Variants in GPD1L observed in about 807,000 individuals in gnomAD.
The protein encoded by GPD1L is glycerol-3-phosphate dehydrogenase 1-like protein.
A neutral mutation model predicts 32.9 loss-of-function variants in GPD1L; 17 were observed. The observed-to-expected ratio is 0.52, with a 90% CI of 0.35 to 0.78. The LOEUF (loss-of-function observed/expected upper bound fraction) is 0.78. Among genes scored for constraint, GPD1L ranks in the 30% least tolerant of loss-of-function variants. The pLI is 0.01. For missense variants in GPD1L, 361 were observed against 447.8 expected (o/e 0.81, Z 1.75); for synonymous variants, 187 against 165.9 (o/e 1.13, Z -0.98).
At chr3:32,130,980 A>C (rs926975024) in intron 2 of GPD1L, among the ~76,000 whole-genome samples, 7 of 151,726 alleles carry the variant, frequency 4.6e-5, no homozygotes, top group African/African-American at 1.5e-4. Context: ...GCCCCGCTGC[A>C]CTCCAGCCTG....
chr3:32,134,898 T>G (rs1274538753), intron 2 of GPD1L, among the ~76,000 whole-genome samples: 4 of 152,246 alleles, frequency 2.6e-5, no homozygotes, highest in Non-Finnish European at 5.9e-5. Flanking sequence ...TGTTAAGGTC[T>G]TTGTAGTTTC....
At chr3:32,139,981 G>A (rs1487579390) in intron 3 of GPD1L, among the ~76,000 whole-genome samples, 1 of 152,240 alleles carries the variant, frequency 6.6e-6, no homozygotes, top group Non-Finnish European at 1.5e-5. Flanking sequence ...GAAGGAGGAT[G>A]AACTTGAGAG....
intron 5 of GPD1L, among the ~76,000 whole-genome samples, chr3:32,155,632 T>C (rs1700977660): frequency 6.6e-6 from 1 of 152,168 alleles, no homozygotes; most frequent in South Asian, 2.1e-4. Context: ...ATAAAACCAC[T>C]TGGCCAGCTC....
chr3:32,150,144 T>C lies in GPD1L; in HGVS notation c.618+3410T>C, dbSNP rs551681807. ...CCCAGCCTCCAGTTGGGCAGTCAGC[T>C]GATCTGCTTTTATATGCCATCGTTT... On this transcript the variant is annotated intron_variant, in intron 5 of 7. Coordinates refer to ENST00000282541, the MANE Select transcript of GPD1L (RefSeq NM_015141.4). Among the ~76,000 whole-genome samples, 229 of 152,322 alleles carry C rather than the reference T, an allele frequency of 1.5e-3. 1 individual carries two copies. The highest frequency in any genetic ancestry group is 5.4e-3 in the African/African-American group (224 of 41,568).
At chr3:32,144,602 A>G (rs1700793625) in intron 4 of GPD1L, among the ~76,000 whole-genome samples, 1 of 152,066 alleles carries the variant, frequency 6.6e-6, no homozygotes, top group African/African-American at 2.4e-5. Context: ...ACCTTCCCAC[A>G]TGGCTGTCCG....
chr3:32,151,151 C>T lies in GPD1L; in HGVS notation c.618+4417C>T, dbSNP rs1052855620. 25 of 550,296 alleles carry T rather than the reference C, an allele frequency of 4.5e-5. 1 individual carries two copies. Among genetic ancestry groups the T allele is most frequent in the Admixed American group, 1.9e-4 (9 of 46,946 alleles). The allele number at this position is 550,296 out of a possible 1,614,324, so 34.1% of individuals were successfully genotyped here. On this transcript the variant is annotated intron_variant, in intron 5 of 7. Transcript: ENST00000282541. ...CCTTCCCACTGGTTCCCACAAAGTG[C>T]GCTTCTCTGGGTGGAGCAGGCTGGT... is the stretch of plus-strand genomic sequence containing the variant.
intron 5 of GPD1L, among the ~76,000 whole-genome samples, chr3:32,149,231 GT>G (rs1238133768): frequency 6.6e-6 from 1 of 151,988 alleles, no homozygotes; most frequent in Non-Finnish European, 1.5e-5. Context: ...GACTAATTTT[GT>G]TTATTTTTTG....
chr3:32,150,852 G>T (rs1700908999), intron 5 of GPD1L, among the ~76,000 whole-genome samples: 1 of 152,140 alleles, frequency 6.6e-6, no homozygotes, highest in Admixed American at 6.5e-5. Context: ...CACTTTGGGA[G>T]GCCGAGGTGG....
At chr3:32,114,856 T>G (rs751624427) in intron 1 of GPD1L, among the ~76,000 whole-genome samples, 2 of 152,114 alleles carry the variant, frequency 1.3e-5, no homozygotes, top group Non-Finnish European at 2.9e-5. Flanking sequence ...GTGTTACAGC[T>G]CTTAAAGGTG....
intron 1 of GPD1L, among the ~76,000 whole-genome samples, chr3:32,121,473 C>G (rs148644007): frequency 1.2e-5 from 1 of 84,800 alleles, no homozygotes; most frequent in Admixed American, 1.1e-4. Flanking sequence ...ATATTTCTCT[C>G]TATATATATT....
intron 7 of GPD1L, among the ~76,000 whole-genome samples, chr3:32,161,035 C>T (rs921375590): frequency 6.6e-6 from 1 of 152,178 alleles, no homozygotes; most frequent in African/African-American, 2.4e-5. Context: ...AGAGCATGAG[C>T]TTCTCTCCAA....
rs918332544 is a variant in GPD1L, at chr3:32,167,894, A to G, written c.*1984A>G. On this transcript the variant is annotated 3_prime_UTR_variant, in exon 8 of 8. Transcript: ENST00000282541. ...CACACAAAACACTCCAAGTTTCAGC[A>G]GTTTTAGCGCCACCATTAACCCACT... The G allele has an allele frequency of 1.3e-5, 2 of 152,232 alleles. No individual in the cohort carries two copies. Among genetic ancestry groups the G allele is most frequent in the African/African-American group, 2.4e-5 (1 of 41,456 alleles). 9.4% of individuals were successfully genotyped at this position (152,232 alleles called of 1,614,324 possible).
At chr3:32,165,764 AG>A (rs779090522) in intron 7 of GPD1L, 49 bp from the exon 8 acceptor site, 3 of 929,318 alleles carry the variant, frequency 3.2e-6, no homozygotes, top group East Asian at 4.8e-5. Flanking sequence ...TTATTCTCTG[AG>A]GTAAATCCAG....
At chr3:32,127,566 G>A (rs113499826) in intron 1 of GPD1L, among the ~76,000 whole-genome samples, 1 of 152,344 alleles carries the variant, frequency 6.6e-6, no homozygotes, top group African/African-American at 2.4e-5. Context: ...GCCAGAGGCC[G>A]GCTTGGTTGC....
At chr3:32,141,227 T>G (rs1207652537) in intron 4 of GPD1L, among the ~76,000 whole-genome samples, 1 of 152,224 alleles carries the variant, frequency 6.6e-6, no homozygotes, top group Admixed American at 6.5e-5. Flanking sequence ...CTCCAGATTC[T>G]TATACCTGCC....
At chr3:32,164,130 G>T (rs1701112212) in intron 7 of GPD1L, among the ~76,000 whole-genome samples, 1 of 152,202 alleles carries the variant, frequency 6.6e-6, no homozygotes, top group Non-Finnish European at 1.5e-5. Context: ...CCAATTCTAG[G>T]TGAAAGGCTA....
intron 4 of GPD1L, among the ~76,000 whole-genome samples, chr3:32,141,219 C>G (rs921143620): frequency 6.6e-6 from 1 of 152,076 alleles, no homozygotes. Flanking sequence ...AAATGTAGCT[C>G]CAGATTCTTA....
At position 32,115,758 on chromosome 3, in the gene GPD1L, C is replaced by CTTTTTTTTTTTTTTTTTTTTT. The variant is rs539068850; in HGVS notation, c.47+9028_47+9048dup. Among the ~76,000 whole-genome samples the CTTTTTTTTTTTTTTTTTTTTT allele has an allele frequency of 2.2e-4, 10 of 45,086 alleles. 4 individuals are homozygous for CTTTTTTTTTTTTTTTTTTTTT. Among genetic ancestry groups the CTTTTTTTTTTTTTTTTTTTTT allele is most frequent in the Non-Finnish European group, 3.9e-4 (8 of 20,538 alleles). 29.6% of individuals were successfully genotyped at this position (45,086 alleles called of 152,430 possible). On this transcript the variant is annotated intron_variant, in intron 1 of 7. Transcript: ENST00000282541. ...CTAAACCCTTTTCGTGTACGTTGAA[C>CTTTTTTTTTTTTTTTTTTTTT]TTTTTTTTTTTTTTTTTTTTTTTTT...
chr3:32,164,767 CT>C (rs764742126), intron 7 of GPD1L, among the ~76,000 whole-genome samples: 1 of 150,988 alleles, frequency 6.6e-6, no homozygotes, highest in Non-Finnish European at 1.5e-5. Context: ...CAACGATAGA[CT>C]CTCATAAAGA....
Sources: gnomAD v4.1 joint callset for allele counts (sites outside exome capture counted in the v4.1 genomes callset) on GRCh38, gnomAD v4.1.1 for gene constraint, MANE v1.5 for transcripts, NCBI Gene and HGNC (gene_info 2026-07-23, HGNC 2026-07-21) for gene names.